The following AIDA variants were observed in gnomAD, a reference collection of about 807,000 sequenced individuals.
The protein encoded by AIDA is axin interactor, dorsalization-associated protein.
In AIDA, 18 loss-of-function variants were observed where a neutral mutation model predicts 42.7. That is an observed-to-expected ratio of 0.42 (90% CI 0.29 to 0.63). The LOEUF (loss-of-function observed/expected upper bound fraction) is 0.63, where lower values mean the gene tolerates loss of function less well. Among genes scored for constraint, AIDA ranks in the 20% least tolerant of loss-of-function variants. The pLI, the probability that AIDA is intolerant of heterozygous loss-of-function variation, is 0.19. For synonymous variants in AIDA, 104 were observed against 122.9 expected (o/e 0.85, Z 1.02); for missense variants, 250 against 354.1 (o/e 0.71, Z 2.36).
intron 4 of AIDA, 126 bp from the exon 5 acceptor site, chr1:222,687,784 A>G: frequency 1.4e-6 from 1 of 700,226 alleles, no homozygotes; most frequent in Non-Finnish European, 2.1e-6. Context: ...CAGCCTTACC[A>G]CCATTTGAGA....
chr1:222,688,992 G>A (rs1215343613), intron 4 of AIDA, among the ~76,000 whole-genome samples: 1 of 152,058 alleles, frequency 6.6e-6, no homozygotes, highest in East Asian at 1.9e-4. Flanking sequence ...GACAAGATGT[G>A]GAGGTGGAAG....
At position 222,673,364 on chromosome 1, in the gene AIDA, G is replaced by A; in HGVS notation, c.655C>T (p.His219Tyr). 1 of 1,610,698 alleles carries A rather than the reference G, an allele frequency of 6.2e-7. No homozygotes were observed. The highest frequency in any genetic ancestry group is 8.5e-7 in the Non-Finnish European group (1 of 1,178,120). The stretch of plus-strand genomic sequence containing the variant: ...TGGAGCTCAATGTCCACATTAAAAT[G>A]AACATATGTATCTTCTTTTCTTGAA... The part of the protein sequence containing the change: ...VASRKEDTYV[H>Y]FNVDIELQKH... Residue 219 changes from histidine (H) to tyrosine (Y), a missense_variant, in exon 8 of 10, where the codon CAT becomes TAT. His to Tyr is a moderately conservative substitution (Grantham distance 83). Coordinates refer to ENST00000340020, the MANE Select transcript of AIDA (RefSeq NM_022831.4).
chr1:222,681,109 C>T (rs1002406532), intron 6 of AIDA, among the ~76,000 whole-genome samples: 1 of 152,034 alleles, frequency 6.6e-6, no homozygotes, highest in African/African-American at 2.4e-5. Context: ...GAATGGTGTA[C>T]TCAAGAAAAC....
At chr1:222,703,079 T>A in intron 2 of AIDA, 69 bp downstream of exon 2, 5 of 1,288,780 alleles carry the variant, frequency 3.9e-6, no homozygotes, top group Non-Finnish European at 5.4e-6. Context: ...TTTGTTTTGC[T>A]TAATGAACTC....
chr1:222,684,173 CACA>C (rs1458986632), intron 6 of AIDA, among the ~76,000 whole-genome samples: 1 of 151,636 alleles, frequency 6.6e-6, no homozygotes, highest in African/African-American at 2.4e-5. Context: ...AGTACAATGG[CACA>C]ACCTTAGCTC....
At position 222,687,476 on chromosome 1, in the gene AIDA, T is replaced by A. The variant is rs994374992; in HGVS notation, c.353+119A>T. On this transcript the variant is annotated intron_variant, in intron 5 of 9. Coordinates refer to ENST00000340020, the MANE Select transcript of AIDA (RefSeq NM_022831.4). ...ATAAAATAAAATGCTGATATACTGT[T>A]ATCATTGTTGATGTCAATGATATCA... 3.4e-6 allele frequency: 3 copies of A among 877,586 alleles called. No homozygotes were observed. In the African/African-American group the frequency reaches 5.3e-5, roughly 15 times the overall value. The allele number at this position is 877,586 out of a possible 1,614,324, so 54.4% of individuals were successfully genotyped here.
At position 222,712,031 on chromosome 1, in the gene AIDA, G is replaced by A. The variant is rs575047161; in HGVS notation, c.110+177C>T. ...GCGAGTCACCCCAGAGAGCGGAGCC[G>A]TTGTCCCTAGAGCAGCCTCGCTGGG... On this transcript the variant is annotated intron_variant, in intron 1 of 9. Coordinates refer to ENST00000340020, the MANE Select transcript of AIDA (RefSeq NM_022831.4). 1.1e-5 allele frequency: 10 copies of A among 883,514 alleles called. No homozygotes were observed. In the Admixed American group the frequency reaches 2.3e-4, roughly 21 times the overall value. The allele number at this position is 883,514 out of a possible 1,614,324, so 54.7% of individuals were successfully genotyped here.
At chr1:222,711,924 T>C (rs1194652905) in intron 1 of AIDA, 2 of 380,270 alleles carry the variant, frequency 5.3e-6, no homozygotes, top group East Asian at 6.3e-5. Context: ...ACTAAGCAGA[T>C]AGCCTGCTGG....
rs773091599 is a variant in AIDA at position 222,693,776 on chromosome 1, A to C, written c.289+13T>G. 1 of 1,597,138 alleles carries C rather than the reference A, an allele frequency of 6.3e-7. No individual in the cohort carries two copies. Among genetic ancestry groups the C allele is most frequent in the Non-Finnish European group, 8.6e-7 (1 of 1,167,274 alleles). ...CAAAGGAGTATCACAAAAAAATATAAACTTAAACTTACTTGGTTCTAGCTT... is the reference window on the plus strand; with the variant it reads ...CAAAGGAGTATCACAAAAAAATATACACTTAAACTTACTTGGTTCTAGCTT... On this transcript the variant is annotated intron_variant, in intron 4 of 9. Coordinates refer to ENST00000340020, the MANE Select transcript of AIDA (RefSeq NM_022831.4).
At chr1:222,678,597 G>A (rs906830134) in intron 6 of AIDA, among the ~76,000 whole-genome samples, 4 of 152,048 alleles carry the variant, frequency 2.6e-5, no homozygotes, top group Admixed American at 1.3e-4. Context: ...AATGTAATAT[G>A]GAGGCAGTGA....
At chr1:222,672,869 CCTCA>C (rs554495679) in intron 8 of AIDA, among the ~76,000 whole-genome samples, 128 of 152,302 alleles carry the variant, frequency 8.4e-4, no homozygotes, top group African/African-American at 3.0e-3. Flanking sequence ...GGAAATGTAG[CCTCA>C]CTATTTCAAA....
chr1:222,690,423 C>T, intron 4 of AIDA, among the ~76,000 whole-genome samples: 1 of 152,112 alleles, frequency 6.6e-6, no homozygotes, highest in South Asian at 2.1e-4. Flanking sequence ...TCATTTCTGG[C>T]CTTATGGGTG....
chr1:222,694,286 A>G, intron 2 of AIDA, 23 bp from the exon 3 acceptor site: 3 of 1,594,916 alleles, frequency 1.9e-6, no homozygotes, highest in Non-Finnish European at 2.6e-6. Flanking sequence ...AAAAAAAGCT[A>G]TAAATACCAG....
In AIDA at chr1:222,679,809, A is replaced by G. The variant is rs76781757; in HGVS notation, c.461-3591T>C. ...AGGTCCTTCACATAATCACATCTGC[A>G]AAGTCTCTGTTGCCGTGTAATGTAA... On this transcript the variant is annotated intron_variant, in intron 6 of 9. Coordinates refer to ENST00000340020, the MANE Select transcript of AIDA (RefSeq NM_022831.4). Among the ~76,000 whole-genome samples, 508 of 152,366 alleles carry G rather than the reference A, an allele frequency of 3.3e-3. 2 individuals are homozygous for G. The highest frequency in any genetic ancestry group is 0.012 in the African/African-American group (486 of 41,592).
intron 4 of AIDA, among the ~76,000 whole-genome samples, chr1:222,688,240 C>A (rs1385195372): frequency 1.3e-5 from 2 of 152,082 alleles, no homozygotes; most frequent in Non-Finnish European, 2.9e-5. Context: ...GTTAGAGATA[C>A]ATGAGTACAT....
intron 2 of AIDA, among the ~76,000 whole-genome samples, chr1:222,695,702 A>G (rs1248062774): frequency 6.6e-6 from 1 of 152,220 alleles, no homozygotes; most frequent in African/African-American, 2.4e-5. Flanking sequence ...CAAGGCTTTT[A>G]AGTCCTTCCA....
In AIDA at chr1:222,673,403, C is replaced by A. The variant is rs1664484151; in HGVS notation, c.616G>T (p.Asp206Tyr). Residue 206 changes from aspartate to tyrosine, a missense_variant, in exon 8 of 10, where the codon GAT (aspartate) becomes TAT (tyrosine). Physicochemically the swap from Asp to Tyr is radical, Grantham distance 160. Transcript: ENST00000340020. ...LNGIDLTPVQ[D>Y]TPVASRKEDT... ...TCTTTTCTTGAAGCCACAGGAGTAT[C>A]TTGCACAGGAGTTAAGTCTATGCCA... The A allele has an allele frequency of 6.2e-7, 1 of 1,607,662 alleles. No individual in the cohort carries two copies.
chr1:222,706,849 C>T (rs1300652600), intron 1 of AIDA, among the ~76,000 whole-genome samples: 8 of 127,260 alleles, frequency 6.3e-5, no homozygotes, highest in African/African-American at 1.4e-4. Flanking sequence ...AGTGGGACTG[C>T]GCCTCAAAAA....
intron 1 of AIDA, among the ~76,000 whole-genome samples, chr1:222,707,312 C>T (rs773368339): frequency 6.6e-6 from 1 of 152,082 alleles, no homozygotes; most frequent in Non-Finnish European, 1.5e-5. Context: ...CGTGTACCAC[C>T]ACACAAGGCT....
Sources: gnomAD v4.1 joint callset for allele counts (sites outside exome capture counted in the v4.1 genomes callset) on GRCh38, gnomAD v4.1.1 for gene constraint, MANE v1.5 for transcripts, NCBI Gene and HGNC (gene_info 2026-07-23, HGNC 2026-07-21) for gene names.